The following NEMP2 variants were observed in gnomAD, a reference collection of about 807,000 sequenced individuals.
NEMP2 encodes the protein nuclear envelope integral membrane protein 2, also known as UPF0571 transmembrane protein.
In NEMP2, 53 loss-of-function variants were observed where a neutral mutation model predicts 54.2. The observed-to-expected ratio is 0.98, with a 90% CI of 0.78 to 1.23. The LOEUF (loss-of-function observed/expected upper bound fraction) is 1.23. Ranked by LOEUF, NEMP2 falls within the 50% of genes most tolerant of loss-of-function variation. NEMP2 has a pLI of 0.00. For synonymous variants in NEMP2, 197 were observed against 190.3 expected, an observed-to-expected ratio of 1.04 and a Z score of -0.29; for missense variants, 455 against 511.3, an observed-to-expected ratio of 0.89 and a Z score of 1.06.
At position 190,533,190 on chromosome 2, in the gene NEMP2, C is replaced by T. The variant is rs1691217302; in HGVS notation, c.97+1369G>A. On this transcript the variant is annotated intron_variant, in intron 1 of 8. Coordinates refer to ENST00000409150, the MANE Select transcript of NEMP2 (RefSeq NM_001142645.2). The surrounding 1 kb of genome is among the most constrained non-coding windows in gnomAD (Gnocchi z 4.3). ...CTCTGTGCCTGGACCAAGGTTATAC[C>T]ACAAGTTGTGGCTGAAGGAATGAGT... Among the ~76,000 whole-genome samples, 1 of 152,114 alleles carries T rather than the reference C, an allele frequency of 6.6e-6. No individual in the cohort carries two copies. Among genetic ancestry groups the T allele is most frequent in the Non-Finnish European group, 1.5e-5 (1 of 68,012 alleles).
the NEMP2 span, among the ~76,000 whole-genome samples, chr2:190,432,955 T>G: frequency 6.6e-6 from 1 of 152,202 alleles, no homozygotes; most frequent in African/African-American, 2.4e-5. Flanking sequence ...AGTAGTAAAT[T>G]TTATTAGTTC....
chr2:190,532,549 A>G (rs1033929118), intron 1 of NEMP2, among the ~76,000 whole-genome samples: 1 of 152,192 alleles, frequency 6.6e-6, no homozygotes, highest in Non-Finnish European at 1.5e-5. Flanking sequence ...TCAGACAACT[A>G]CCTGCTCCTC....
At chr2:190,459,490 A>C in the NEMP2 span, among the ~76,000 whole-genome samples, 1,671 of 152,200 alleles carry the variant, frequency 0.011, 13 homozygotes, top group South Asian at 0.061. The surrounding 1 kb of genome is among the most constrained non-coding windows in gnomAD (Gnocchi z 5.3). Context: ...GTGTGTGTGA[A>C]TATGTTCAGT....
downstream of NEMP2, chr2:190,499,982 G>A (rs72907168): frequency 0.29 from 472,810 of 1,610,300 alleles, 74,273 homozygotes; most frequent in South Asian, 0.34. This position sits in a 1 kb window ranked among gnomAD's most constrained non-coding sequence, Gnocchi z 6.0. Flanking sequence ...TGCTATCACT[G>A]ATCATGGGGC....
At chr2:190,492,587 T>G in the NEMP2 span, among the ~76,000 whole-genome samples, 1 of 152,094 alleles carries the variant, frequency 6.6e-6, no homozygotes, top group Non-Finnish European at 1.5e-5. The surrounding 1 kb of genome is among the most constrained non-coding windows in gnomAD (Gnocchi z 5.2). Flanking sequence ...AAATTTAAAA[T>G]TGAACTGAAC....
the NEMP2 span, among the ~76,000 whole-genome samples, chr2:190,445,407 T>C: frequency 6.6e-6 from 1 of 151,780 alleles, no homozygotes; most frequent in African/African-American, 2.4e-5. Flanking sequence ...GACTTAAATA[T>C]GTTCTGTCTC....
chr2:190,493,021 C>T, the NEMP2 span, among the ~76,000 whole-genome samples: 1 of 151,810 alleles, frequency 6.6e-6, no homozygotes, highest in Non-Finnish European at 1.5e-5. Flanking sequence ...TGGAATAGTA[C>T]CTCACATTTC....
chr2:190,437,255 C>A, the NEMP2 span: 1 of 1,614,120 alleles, frequency 6.2e-7, no homozygotes, highest in Admixed American at 1.7e-5. The surrounding 1 kb of genome is among the most constrained non-coding windows in gnomAD (Gnocchi z 5.9). Context: ...GTGGAGATCC[C>A]GCAGGTGGAA....
At chr2:190,497,894 A>G in the NEMP2 span, 2 of 695,570 alleles carry the variant, frequency 2.9e-6, no homozygotes, top group Non-Finnish European at 4.7e-6. The surrounding 1 kb of genome is among the most constrained non-coding windows in gnomAD (Gnocchi z 5.2). Flanking sequence ...GGGTGTATAC[A>G]AGGTCCCATA....
At chr2:190,588,211 T>C in the NEMP2 span, among the ~76,000 whole-genome samples, 1 of 152,174 alleles carries the variant, frequency 6.6e-6, no homozygotes, top group Non-Finnish European at 1.5e-5. This position sits in a 1 kb window ranked among gnomAD's most constrained non-coding sequence, Gnocchi z 5.0. Context: ...CTTTGGCCTA[T>C]TTTGGAAGAT....
downstream of NEMP2, chr2:190,499,986 A>G (rs765623588): frequency 4.3e-5 from 70 of 1,611,494 alleles, no homozygotes; most frequent in Non-Finnish European, 5.9e-5. This position sits in a 1 kb window ranked among gnomAD's most constrained non-coding sequence, Gnocchi z 6.0. Flanking sequence ...ATCACTGATC[A>G]TGGGGCATCT....
At chr2:190,555,382 G>A in the NEMP2 span, among the ~76,000 whole-genome samples, 1 of 151,958 alleles carries the variant, frequency 6.6e-6, no homozygotes, top group Non-Finnish European at 1.5e-5. This position sits in a 1 kb window ranked among gnomAD's most constrained non-coding sequence, Gnocchi z 4.8. Flanking sequence ...TCGAGCTAAA[G>A]GAGCATGTTC....
intron 4 of NEMP2, 82 bp from the exon 5 acceptor site, chr2:190,517,695 A>C (rs1370169367): frequency 1.0e-6 from 1 of 961,642 alleles, no homozygotes; most frequent in Non-Finnish European, 1.6e-6. Flanking sequence ...TGGCAACATC[A>C]GTCATAAATA....
At chr2:190,534,379 G>C in intron 1 of NEMP2, 180 bp downstream of exon 1, 1 of 1,208,712 alleles carries the variant, frequency 8.3e-7, no homozygotes, top group Non-Finnish European at 1.0e-6. Flanking sequence ...GACTACGGAA[G>C]CCCAGTAAGA....
chr2:190,598,436 C>A, the NEMP2 span, among the ~76,000 whole-genome samples: 2 of 152,194 alleles, frequency 1.3e-5, no homozygotes, highest in Admixed American at 6.5e-5. Context: ...TAAACTGTAA[C>A]TTATAATTGC....
chr2:190,438,281 C>T, the NEMP2 span, among the ~76,000 whole-genome samples: 2 of 151,864 alleles, frequency 1.3e-5, no homozygotes, highest in Non-Finnish European at 1.5e-5. The surrounding 1 kb of genome is among the most constrained non-coding windows in gnomAD (Gnocchi z 5.2). Context: ...TTTGAGAGGC[C>T]GAGGCAGGTG....
At chr2:190,544,752 G>A in the NEMP2 span, among the ~76,000 whole-genome samples, 1 of 151,938 alleles carries the variant, frequency 6.6e-6, no homozygotes, top group Non-Finnish European at 1.5e-5. Flanking sequence ...TACATTTAAG[G>A]TAACTAAGAT....
At chr2:190,547,744 C>T in the NEMP2 span, among the ~76,000 whole-genome samples, 3 of 152,104 alleles carry the variant, frequency 2.0e-5, no homozygotes, top group Non-Finnish European at 4.4e-5. The surrounding 1 kb of genome is among the most constrained non-coding windows in gnomAD (Gnocchi z 6.2). Context: ...TCATGTTGGC[C>T]AGGCTAGTCT....
At chr2:190,631,987 T>C in the NEMP2 span, among the ~76,000 whole-genome samples, 1 of 152,048 alleles carries the variant, frequency 6.6e-6, no homozygotes, top group South Asian at 2.1e-4. Context: ...GCTCAGGAGG[T>C]AGAGCCTGCA....
Sources: gnomAD v4.1 joint callset for allele counts (sites outside exome capture counted in the v4.1 genomes callset) on GRCh38, gnomAD v4.1.1 for gene constraint, Gnocchi (gnomAD v3.1) non-coding constraint, MANE v1.5 for transcripts, NCBI Gene and HGNC (gene_info 2026-07-23, HGNC 2026-07-21) for gene names.